The following ERBB4 variants were observed in gnomAD, a reference collection of about 807,000 sequenced individuals.
ERBB4 encodes the protein erb-b2 receptor tyrosine kinase 4, also known as receptor tyrosine-protein kinase erbB-4.
In ERBB4, 42 loss-of-function variants were observed where a neutral mutation model predicts 158.0. The observed-to-expected ratio is 0.27, with a 90% CI of 0.21 to 0.34. The LOEUF is 0.34. Among genes scored for constraint, ERBB4 ranks in the 10% least tolerant of loss-of-function variants. The pLI, the probability that ERBB4 is intolerant of heterozygous loss-of-function variation, is 1.00. For synonymous variants in ERBB4, 583 were observed against 558.7 expected, an observed-to-expected ratio of 1.04 and a Z score of -0.61; for missense variants, 1,333 against 1,624.1, an observed-to-expected ratio of 0.82 and a Z score of 3.08.
chr2:211,481,278 C>T (rs2065076291), intron 20 of ERBB4, among the ~76,000 whole-genome samples: 1 of 152,038 alleles, frequency 6.6e-6, no homozygotes, highest in Non-Finnish European at 1.5e-5. Flanking sequence ...ATAGAAAAAG[C>T]CACATTGTGA....
intron 1 of ERBB4, among the ~76,000 whole-genome samples, chr2:212,323,213 A>T (rs1358601179): frequency 6.6e-6 from 1 of 150,554 alleles, no homozygotes; most frequent in Non-Finnish European, 1.5e-5. Flanking sequence ...TGACTAAATT[A>T]TTATGAGATT....
intron 3 of ERBB4, among the ~76,000 whole-genome samples, chr2:211,897,948 G>T (rs986704945): frequency 6.6e-6 from 1 of 151,728 alleles, no homozygotes; most frequent in Non-Finnish European, 1.5e-5. Context: ...TTTAATTATA[G>T]AGAAGGGGTC....
intron 3 of ERBB4, among the ~76,000 whole-genome samples, chr2:211,897,692 CT>C: frequency 6.6e-6 from 1 of 151,926 alleles, no homozygotes; most frequent in East Asian, 1.9e-4. Flanking sequence ...TTTTTTTGTT[CT>C]TTTTTTAAAT....
chr2:211,868,670 T>C (rs1244595738), intron 3 of ERBB4, among the ~76,000 whole-genome samples: 3 of 152,316 alleles, frequency 2.0e-5, no homozygotes, highest in Admixed American at 6.5e-5. Context: ...CCTTATTTTA[T>C]TCCTTTTTGC....
chr2:212,187,390 G>A (rs1001892011), intron 1 of ERBB4, among the ~76,000 whole-genome samples: 2 of 149,422 alleles, frequency 1.3e-5, no homozygotes, highest in Non-Finnish European at 3.0e-5. Context: ...CCTGCACAAT[G>A]TGCACATGTA....
rs539125963 is a variant in ERBB4 at position 212,297,647 on chromosome 2, A to C, written c.83-172744T>G. 3.3e-5 allele frequency among the ~76,000 whole-genome samples: 5 copies of C among 151,422 alleles called. No homozygotes were observed. The South Asian group carries it at 1.0e-3, about 32-fold the overall frequency. The stretch of plus-strand genomic sequence containing the variant: ...TTTGATCACTGGCTACTAAAAAATA[A>C]ACTTTTACTTACAGTTTTTAGATAA... On this transcript the variant is annotated intron_variant, in intron 1 of 27. Transcript: ENST00000342788.
intron 20 of ERBB4, among the ~76,000 whole-genome samples, chr2:211,518,750 ATGAT>A (rs1397831955): frequency 6.6e-6 from 1 of 152,086 alleles, no homozygotes; most frequent in Non-Finnish European, 1.5e-5. Flanking sequence ...TGTGTCTGAG[ATGAT>A]TGATGTCATA....
intron 20 of ERBB4, among the ~76,000 whole-genome samples, chr2:211,554,621 T>C (rs1202302900): frequency 1.3e-5 from 2 of 152,224 alleles, no homozygotes; most frequent in East Asian, 3.9e-4. Context: ...GTTCATATGC[T>C]TGCTTGTGAT....
intron 2 of ERBB4, among the ~76,000 whole-genome samples, chr2:212,017,415 G>A (rs2076553204): frequency 6.6e-6 from 1 of 151,962 alleles, no homozygotes; most frequent in Non-Finnish European, 1.5e-5. Flanking sequence ...AGGTTGAAAA[G>A]AATCTCAAGT....
intron 2 of ERBB4, among the ~76,000 whole-genome samples, chr2:212,116,265 A>G (rs929670882): frequency 6.6e-6 from 1 of 151,756 alleles, no homozygotes; most frequent in East Asian, 1.9e-4. Flanking sequence ...GATAAATACT[A>G]GTCTATTTAT....
intron 1 of ERBB4, among the ~76,000 whole-genome samples, chr2:212,517,102 G>A (rs143943959): frequency 3.9e-5 from 6 of 152,122 alleles, no homozygotes; most frequent in East Asian, 1.9e-4. Context: ...GATGAAATTC[G>A]AAATTAACAA....
At chr2:211,980,887 C>T (rs2081773232) in intron 2 of ERBB4, among the ~76,000 whole-genome samples, 1 of 151,924 alleles carries the variant, frequency 6.6e-6, no homozygotes, top group Non-Finnish European at 1.5e-5. Context: ...TGAATTTTCG[C>T]CCCTTTCTTG....
At chr2:211,440,410 C>T (rs897115011) in intron 20 of ERBB4, among the ~76,000 whole-genome samples, 2 of 152,140 alleles carry the variant, frequency 1.3e-5, no homozygotes, top group Non-Finnish European at 2.9e-5. Flanking sequence ...CCTATTAATA[C>T]AGCAACCTCT....
intron 1 of ERBB4, among the ~76,000 whole-genome samples, chr2:212,435,893 T>G (rs2092125498): frequency 4.6e-5 from 7 of 151,900 alleles, no homozygotes; most frequent in Admixed American, 4.6e-4. Context: ...AATTTATATT[T>G]AAATATTTTG....
At chr2:211,700,829 G>T (rs557814925) in intron 12 of ERBB4, among the ~76,000 whole-genome samples, 1 of 152,148 alleles carries the variant, frequency 6.6e-6, no homozygotes, top group Non-Finnish European at 1.5e-5. Context: ...CTAGGGTTCT[G>T]CCTTTTAGAA....
intron 3 of ERBB4, among the ~76,000 whole-genome samples, chr2:211,803,020 G>A (rs555325469): frequency 2.9e-4 from 44 of 152,270 alleles, no homozygotes; most frequent in African/African-American, 1.0e-3. Flanking sequence ...ACATTTTCAA[G>A]GAAAATCCTT....
intron 2 of ERBB4, among the ~76,000 whole-genome samples, chr2:212,072,228 G>A (rs1475656789): frequency 6.6e-6 from 1 of 151,884 alleles, no homozygotes; most frequent in Non-Finnish European, 1.5e-5. Context: ...CCTCACCTGG[G>A]ATTAAGAGGA....
Position 212,400,795 on chromosome 2 carries a change from T to C in ERBB4, c.82+137654A>G, listed in dbSNP as rs915964401. On this transcript the variant is annotated intron_variant, in intron 1 of 27. Transcript: ENST00000342788. ...ATTATTTGAACAATAATTTACCCACTCTGTCTCTGAACTTTAATAAAAAGA... is the reference window on the plus strand; with the variant it reads ...ATTATTTGAACAATAATTTACCCACCCTGTCTCTGAACTTTAATAAAAAGA... Among the ~76,000 whole-genome samples, 3 of 152,272 alleles carry C rather than the reference T, an allele frequency of 2.0e-5. No homozygotes were observed. In the South Asian group the frequency reaches 6.2e-4, roughly 32 times the overall value.
chr2:212,069,119 T>C (rs1205554381), intron 2 of ERBB4, among the ~76,000 whole-genome samples: 4 of 152,068 alleles, frequency 2.6e-5, no homozygotes, highest in Non-Finnish European at 5.9e-5. Flanking sequence ...GTCTGAGGTA[T>C]GTCTTTATTA....
Sources: gnomAD v4.1 joint callset for allele counts (sites outside exome capture counted in the v4.1 genomes callset) on GRCh38, gnomAD v4.1.1 for gene constraint, MANE v1.5 for transcripts, NCBI Gene and HGNC (gene_info 2026-07-23, HGNC 2026-07-21) for gene names.